The following XPNPEP3 variants were observed in gnomAD, a reference collection of about 807,000 sequenced individuals.
XPNPEP3 encodes the protein X-prolyl aminopeptidase 3.
XPNPEP3 carries 41 observed loss-of-function variants against 60.0 expected under a neutral mutation model. The observed-to-expected ratio is 0.68, with a 90% CI of 0.53 to 0.89. The LOEUF is 0.89. Ranked by LOEUF, XPNPEP3 falls within the 40% of genes least tolerant of loss-of-function variation. XPNPEP3 has a pLI of 0.00. For missense variants in XPNPEP3, 598 were observed against 638.9 expected, an observed-to-expected ratio of 0.94 and a Z score of 0.69; for synonymous variants, 212 against 223.2, an observed-to-expected ratio of 0.95 and a Z score of 0.45.
rs2058235138 is a variant in XPNPEP3 at position 40,926,446 on chromosome 22, G to A, written c.*11G>A. ...AGCCAGGCTTCTTGACCTTCACTGC[G>A]GCCCACATGCACCTCAGGTTCAAAA... On this transcript the variant is annotated 3_prime_UTR_variant, in exon 10 of 10. Transcript: ENST00000357137. The A allele has an allele frequency of 1.1e-5, 17 of 1,613,902 alleles. No homozygotes were observed. Among genetic ancestry groups the A allele is most frequent in the Non-Finnish European group, 1.4e-5 (17 of 1,179,994 alleles).
intron 1 of XPNPEP3, chr22:40,862,764 G>GT: frequency 4.1e-6 from 4 of 985,140 alleles, no homozygotes; most frequent in Non-Finnish European, 4.8e-6. Flanking sequence ...AAAGTTGTGT[G>GT]TTTATGTATT....
At chr22:40,902,158 C>T (rs1157910844) in intron 4 of XPNPEP3, among the ~76,000 whole-genome samples, 13 of 149,364 alleles carry the variant, frequency 8.7e-5, no homozygotes, top group East Asian at 2.0e-4. Flanking sequence ...CTGCAACCTC[C>T]GCCTCCCAGG....
At chr22:40,862,299 C>T (rs1463821402) in intron 1 of XPNPEP3, 1 of 1,060,852 alleles carries the variant, frequency 9.4e-7, no homozygotes, top group African/African-American at 1.7e-5. Context: ...ACTGTTTCCC[C>T]TGTATGTTTC....
chr22:40,871,376 C>G (rs562249730), intron 2 of XPNPEP3, among the ~76,000 whole-genome samples: 1 of 152,236 alleles, frequency 6.6e-6, no homozygotes, highest in East Asian at 1.9e-4. Flanking sequence ...AAGTCTCTTA[C>G]GCAGTTGGCT....
intron 2 of XPNPEP3, among the ~76,000 whole-genome samples, chr22:40,880,156 C>A (rs751066298): frequency 1.8e-4 from 28 of 151,664 alleles, no homozygotes; most frequent in Non-Finnish European, 5.9e-5. Context: ...ATTAAAGCAC[C>A]AGTACATGGG....
Position 40,862,713 on chromosome 22 carries a change from C to T in XPNPEP3, c.64+5468C>T. ...TTTGAGATTATAGTATCTTTGTCCA[C>T]CCAAGGTTTACTGCTGTAAAACATG... is the stretch of plus-strand genomic sequence containing the variant. On this transcript the variant is annotated intron_variant, in intron 1 of 9. Transcript: ENST00000357137. The T allele has an allele frequency of 3.0e-6, 3 of 985,366 alleles. No homozygotes were observed. The South Asian group carries it at 1.4e-4, about 46-fold the overall frequency. 61.0% of individuals were successfully genotyped at this position (985,366 alleles called of 1,614,324 possible).
intron 1 of XPNPEP3, chr22:40,862,639 G>T: frequency 2.0e-6 from 2 of 985,466 alleles, no homozygotes; most frequent in South Asian, 4.7e-5. Context: ...AAAGCCTCTT[G>T]GAGGAAGTAG....
chr22:40,903,674 G>A (rs2058143510), intron 4 of XPNPEP3, among the ~76,000 whole-genome samples: 2 of 151,922 alleles, frequency 1.3e-5, no homozygotes, highest in African/African-American at 4.8e-5. Flanking sequence ...ATTTTTAGTA[G>A]AGACAGGTTT....
chr22:40,883,400 T>A (rs2058056123), intron 3 of XPNPEP3, among the ~76,000 whole-genome samples: 1 of 152,048 alleles, frequency 6.6e-6, no homozygotes, highest in East Asian at 1.9e-4. Context: ...GTCACCCAGG[T>A]TGGGATGTAG....
intron 4 of XPNPEP3, among the ~76,000 whole-genome samples, chr22:40,887,462 C>G (rs1043715365): frequency 3.9e-5 from 6 of 152,168 alleles, no homozygotes; most frequent in African/African-American, 2.4e-5. Flanking sequence ...AGTCCGAGAT[C>G]AAGGTGCCAT....
intron 4 of XPNPEP3, chr22:40,888,378 G>A: frequency 2.4e-6 from 1 of 422,446 alleles, no homozygotes; most frequent in Non-Finnish European, 4.7e-6. Context: ...CAAGTAGCTG[G>A]GACCATTGGT....
At chr22:40,864,312 GT>G (rs889731520) in intron 1 of XPNPEP3, among the ~76,000 whole-genome samples, 1 of 152,182 alleles carries the variant, frequency 6.6e-6, no homozygotes, top group African/African-American at 2.4e-5. Context: ...TGCCATCTTA[GT>G]TTTAGTGGGG....
At chr22:40,886,078 A>G (rs938460343) in intron 3 of XPNPEP3, among the ~76,000 whole-genome samples, 3 of 152,190 alleles carry the variant, frequency 2.0e-5, no homozygotes, top group African/African-American at 7.2e-5. Flanking sequence ...TTAGGGGCAG[A>G]AAAGCTGTAT....
At chr22:40,914,396 A>G (rs2058187888) in intron 7 of XPNPEP3, 72 bp downstream of exon 7, 2 of 1,278,910 alleles carry the variant, frequency 1.6e-6, no homozygotes, top group Non-Finnish European at 2.3e-6. Context: ...TATATTTGGA[A>G]TGAATGACTA....
chr22:40,879,880 A>T lies in XPNPEP3; in HGVS notation c.182-1890A>T, dbSNP rs180877742. On this transcript the variant is annotated intron_variant, in intron 2 of 9. Coordinates refer to ENST00000357137, the MANE Select transcript of XPNPEP3 (RefSeq NM_022098.4). ...AATAAATAAATAAAAATACAAAAAT[A>T]GTCAGGCCTGGTGGCTCACGCCTGT... 6.1e-4 allele frequency among the ~76,000 whole-genome samples: 92 copies of T among 150,254 alleles called. 1 individual carries two copies. The highest frequency in any genetic ancestry group is 1.2e-3 in the East Asian group (6 of 5,066).
chr22:40,860,996 T>G (rs966522762), intron 1 of XPNPEP3: 9 of 1,415,278 alleles, frequency 6.4e-6, no homozygotes, highest in Non-Finnish European at 8.6e-6. Flanking sequence ...TTAAGTGTTA[T>G]CTACAAAATT....
At chr22:40,871,537 C>T (rs1308576951) in intron 2 of XPNPEP3, among the ~76,000 whole-genome samples, 1 of 152,110 alleles carries the variant, frequency 6.6e-6, no homozygotes, top group Non-Finnish European at 1.5e-5. Context: ...AAGTTCTATA[C>T]ATACAGAAAA....
chr22:40,860,546 A>G (rs747424064), intron 1 of XPNPEP3: 1 of 850,066 alleles, frequency 1.2e-6, no homozygotes. Flanking sequence ...AATGCTATGC[A>G]TGTTTCGTAA....
intron 1 of XPNPEP3, chr22:40,861,502 G>GC: frequency 1.2e-6 from 2 of 1,614,154 alleles, no homozygotes; most frequent in East Asian, 2.2e-5. Flanking sequence ...AGGCCTTCAT[G>GC]CCCCAATGAA....
Sources: gnomAD v4.1 joint callset for allele counts (sites outside exome capture counted in the v4.1 genomes callset) on GRCh38, gnomAD v4.1.1 for gene constraint, MANE v1.5 for transcripts, NCBI Gene and HGNC (gene_info 2026-07-23, HGNC 2026-07-21) for gene names.